The following LSR variants were observed in gnomAD, a reference collection of about 807,000 sequenced individuals.
The protein encoded by LSR is lipolysis stimulated lipoprotein receptor.
Under a neutral mutation model 61.8 loss-of-function variants are expected in LSR, and 44 were observed. The observed-to-expected ratio is 0.71, with a 90% CI of 0.56 to 0.91. LSR has a LOEUF of 0.91. LSR is among the 40% of genes least tolerant of loss of function. LSR has a pLI of 0.00. For synonymous variants in LSR, 397 were observed against 350.6 expected (o/e 1.13, Z -1.48); for missense variants, 911 against 830.5 (o/e 1.10, Z -1.19).
At position 35,266,692 on chromosome 19, in the gene LSR, C is replaced by G. The variant is rs746033993; in HGVS notation, c.966C>G (p.Gly322=). 4 of 1,608,928 alleles carry G rather than the reference C, an allele frequency of 2.5e-6. No homozygotes were observed. In the South Asian group the frequency reaches 4.4e-5, roughly 18 times the overall value. Reference sequence around the variant, plus strand: ...ACTCTCCCCCAGCTGGTGGCCAAGGCTCCTATGTACCCCTGCTTCGGGACA... The same window carrying G: ...ACTCTCCCCCAGCTGGTGGCCAAGGGTCCTATGTACCCCTGCTTCGGGACA... ...VDRSSSAGGQ[G]SYVPLLRDTD... The change falls in exon 7 of 10, where the codon GGC becomes GGG. Residue 322 remains glycine (G), a synonymous_variant. Coordinates refer to ENST00000605618, the MANE Select transcript of LSR (RefSeq NM_205834.4).
intron 5 of LSR, chr19:35,264,871 T>G (rs1270293530): frequency 6.6e-6 from 1 of 152,202 alleles, no homozygotes; most frequent in Non-Finnish European, 1.5e-5. Flanking sequence ...TGTCAGCTGC[T>G]GGGCACTGCC....
chr19:35,250,808 TTTTTGAAGATGGAGTCTTGCTC>T, intron 2 of LSR, 149 bp downstream of exon 2: 2 of 597,710 alleles, frequency 3.3e-6, no homozygotes, highest in Non-Finnish European at 5.5e-6. Context: ...TTTTTTTTTT[TTTTTGAAGATGGAGTCTTGCTC>T]TGGACTCCAG....
chr19:35,255,075 GC>G (rs1200656007), intron 2 of LSR, among the ~76,000 whole-genome samples: 3 of 152,186 alleles, frequency 2.0e-5, no homozygotes, highest in Admixed American at 6.5e-5. Flanking sequence ...GGTGGCTCAT[GC>G]CTGTAATCCC....
rs190082705 is a variant in LSR at position 35,249,894 on chromosome 19, C to T, written c.110-421C>T. ...GGTTTTCCCTCCAAATTCAAAAGGCCCCGGGTAACCTGGAATCCTTCGTAG... is the reference window on the plus strand; with the variant it reads ...GGTTTTCCCTCCAAATTCAAAAGGCTCCGGGTAACCTGGAATCCTTCGTAG... On this transcript the variant is annotated intron_variant, in intron 1 of 9. Coordinates refer to ENST00000605618, the MANE Select transcript of LSR (RefSeq NM_205834.4). 1.1e-3 allele frequency among the ~76,000 whole-genome samples: 175 copies of T among 152,236 alleles called. 1 individual carries two copies. The highest frequency in any genetic ancestry group is 7.3e-3 in the South Asian group (35 of 4,818).
intron 5 of LSR, 55 bp from the exon 6 acceptor site, chr19:35,266,304 G>C: frequency 1.4e-6 from 2 of 1,471,948 alleles, no homozygotes; most frequent in South Asian, 2.6e-5. Context: ...CAATGGGTAT[G>C]GGGCAGCCTG....
At chr19:35,267,054 C>T in intron 8 of LSR, 55 bp from the exon 9 acceptor site, 1 of 1,543,510 alleles carries the variant, frequency 6.5e-7, no homozygotes, top group Non-Finnish European at 8.7e-7. Flanking sequence ...ACTCTTGGTG[C>T]AAACCCTGGA....
chr19:35,259,650 A>T (rs1028820737), intron 3 of LSR, among the ~76,000 whole-genome samples: 4 of 151,862 alleles, frequency 2.6e-5, no homozygotes, highest in African/African-American at 9.7e-5. Context: ...AAAAAAAAAA[A>T]TCCAGACGTG....
chr19:35,265,413 C>A (rs2145543008), intron 5 of LSR, among the ~76,000 whole-genome samples: 1 of 152,340 alleles, frequency 6.6e-6, no homozygotes, highest in Admixed American at 6.5e-5. Context: ...CTCCGCCCAC[C>A]CTTCAGGAGG....
intron 5 of LSR, 145 bp from the exon 6 acceptor site, chr19:35,266,213 AG>A (rs2065995743): frequency 2.2e-5 from 13 of 600,006 alleles, no homozygotes; most frequent in East Asian, 1.4e-4. Flanking sequence ...GAGGACCAAC[AG>A]GGACTCAGAT....
intron 3 of LSR, among the ~76,000 whole-genome samples, chr19:35,261,628 T>C (rs1258523143): frequency 6.6e-6 from 1 of 152,150 alleles, no homozygotes; most frequent in Non-Finnish European, 1.5e-5. Flanking sequence ...CTAAGACCTA[T>C]GAATGAGGGA....
Position 35,250,352 on chromosome 19 carries a change from C to T in LSR, c.147C>T (p.Pro49=), listed in dbSNP as rs1452478993. 2 of 1,579,340 alleles carry T rather than the reference C, an allele frequency of 1.3e-6. No homozygotes were observed. The highest frequency in any genetic ancestry group is 1.7e-6 in the Non-Finnish European group (2 of 1,157,060). ...CCATCCAGGTGACCGTGTCCAACCC[C>T]TACCACGTGGTGATCCTCTTCCAGC... ...ARAIQVTVSN[P]YHVVILFQPV... The change falls in exon 2 of 10, where the codon CCC becomes CCT. Residue 49 remains proline (P), a synonymous_variant. Coordinates refer to ENST00000605618, the MANE Select transcript of LSR (RefSeq NM_205834.4).
chr19:35,267,786 C>T, intron 9 of LSR, 38 bp from the exon 10 acceptor site: 2 of 1,613,930 alleles, frequency 1.2e-6, no homozygotes, highest in Non-Finnish European at 1.7e-6. Flanking sequence ...CCCAGCCGGT[C>T]CCCGCGGCTC....
chr19:35,260,371 A>G (rs1347131378), intron 3 of LSR, among the ~76,000 whole-genome samples: 1 of 141,292 alleles, frequency 7.1e-6, no homozygotes, highest in Non-Finnish European at 1.5e-5. Flanking sequence ...GGCTCACTGC[A>G]AGCTTCACCT....
At chr19:35,251,436 C>T (rs1164096800) in intron 2 of LSR, 1 of 152,156 alleles carries the variant, frequency 6.6e-6, no homozygotes, top group East Asian at 1.9e-4. Context: ...ATCCAGGTTC[C>T]CAAGGATTAA....
chr19:35,263,925 G>T (rs71352913), intron 5 of LSR: 24,650 of 151,772 alleles, frequency 0.16, 2,501 homozygotes, highest in Middle Eastern at 0.22. Flanking sequence ...TCCTGCCTCA[G>T]CCTCCCGAGT....
rs777562611 is a variant in LSR, at chr19:35,261,905, T to C, written c.575-20T>C. On this transcript the variant is annotated intron_variant, in intron 3 of 9. Coordinates refer to ENST00000605618, the MANE Select transcript of LSR (RefSeq NM_205834.4). ...GGCTGGCTCTGGCCAGCATAATCTGTTTCTCTTTTGTCCCTCCAGGGAGGA... is the reference window on the plus strand; with the variant it reads ...GGCTGGCTCTGGCCAGCATAATCTGCTTCTCTTTTGTCCCTCCAGGGAGGA... 7.0e-7 allele frequency: 1 copy of C among 1,438,486 alleles called. No individual in the cohort carries two copies. Among genetic ancestry groups the C allele is most frequent in the Non-Finnish European group, 9.1e-7 (1 of 1,094,572 alleles). 89.1% of individuals were successfully genotyped at this position (1,438,486 alleles called of 1,614,324 possible).
intron 3 of LSR, 152 bp from the exon 4 acceptor site, chr19:35,261,773 G>A (rs1021689747): frequency 2.4e-5 from 11 of 460,862 alleles, no homozygotes; most frequent in Non-Finnish European, 3.4e-5. Flanking sequence ...GGCGGGTGGA[G>A]GGTAGGAGCC....
chr19:35,264,919 A>G (rs568322711), intron 5 of LSR: 45 of 150,740 alleles, frequency 3.0e-4, no homozygotes, highest in Non-Finnish European at 5.9e-4. Context: ...ACAGGGCACC[A>G]GTCAGAGCCC....
Position 35,249,104 on chromosome 19 carries a change from T to C in LSR, c.82T>C (p.Trp28Arg), listed in dbSNP as rs1599586106. 6.4e-7 allele frequency: 1 copy of C among 1,550,884 alleles called. No individual in the cohort carries two copies. The highest frequency in any genetic ancestry group is 2.4e-5 in the East Asian group (1 of 41,350). Residue 28 changes from tryptophan (W) to arginine (R), a missense_variant, in exon 1 of 10, where the codon TGG becomes CGG. Physicochemically the swap from Trp to Arg is moderately radical, Grantham distance 101 (BLOSUM62 -3). Coordinates refer to ENST00000605618, the MANE Select transcript of LSR (RefSeq NM_205834.4). ...AGGCCGGGACGCGGTCGTCTTCGTG[T>C]GGCTTCTGCTTAGCACCTGGTGCAC... is the stretch of plus-strand genomic sequence containing the variant. The part of the protein sequence containing the change: ...AAGRDAVVFV[W>R]LLLSTWCTAP...
Sources: allele counts gnomAD v4.1 joint callset (sites outside exome capture counted in the v4.1 genomes callset), GRCh38; gene constraint gnomAD v4.1.1; transcripts MANE v1.5; gene names NCBI Gene and HGNC (gene_info 2026-07-23, HGNC 2026-07-21).